The following TBPL2 variants were observed in gnomAD, a reference collection of about 807,000 sequenced individuals.
The protein encoded by TBPL2 is TATA-box binding protein like 2.
A neutral mutation model predicts 38.2 loss-of-function variants in TBPL2; 40 were observed. That is an observed-to-expected ratio of 1.05 (90% CI 0.81 to 1.36). The LOEUF (loss-of-function observed/expected upper bound fraction) is 1.36, where lower values mean the gene tolerates loss of function less well. Among genes scored for constraint, TBPL2 ranks in the 40% most tolerant of loss-of-function variants. TBPL2 has a pLI of 0.00. For synonymous variants in TBPL2, 169 were observed against 171.7 expected, an observed-to-expected ratio of 0.98 and a Z score of 0.12; for missense variants, 461 against 456.7, an observed-to-expected ratio of 1.01 and a Z score of -0.09.
At chr14:55,424,397 A>T (rs1885789359) in intron 5 of TBPL2, 144 bp from the exon 6 acceptor site, 1 of 563,396 alleles carries the variant, frequency 1.8e-6, no homozygotes, top group Admixed American at 3.1e-5. Flanking sequence ...AACTATCTTG[A>T]TGAAGAGTCT....
chr14:55,433,311 T>C (rs912974231), intron 4 of TBPL2, among the ~76,000 whole-genome samples: 1 of 29,834 alleles, frequency 3.4e-5, no homozygotes, highest in South Asian at 2.0e-3. Flanking sequence ...AGATTTCTCT[T>C]TTTTTTTTTT....
chr14:55,418,371 C>A (rs537823756), intron 6 of TBPL2, among the ~76,000 whole-genome samples: 1 of 152,332 alleles, frequency 6.6e-6, no homozygotes, highest in South Asian at 2.1e-4. Context: ...TCCAATACTA[C>A]GTGGATTTTC....
intron 4 of TBPL2, among the ~76,000 whole-genome samples, chr14:55,433,242 C>T (rs920442065): frequency 6.6e-6 from 1 of 151,948 alleles, no homozygotes; most frequent in Non-Finnish European, 1.5e-5. Context: ...GATCCTCCCA[C>T]CTCAGCTTCC....
chr14:55,425,286 G>A (rs1449174501), intron 5 of TBPL2, among the ~76,000 whole-genome samples: 4 of 152,134 alleles, frequency 2.6e-5, no homozygotes, highest in Admixed American at 1.3e-4. Context: ...TCCCAACACT[G>A]GGGAGACCAT....
chr14:55,417,914 C>G (rs367589089), intron 6 of TBPL2, among the ~76,000 whole-genome samples: 1 of 152,208 alleles, frequency 6.6e-6, no homozygotes, highest in Non-Finnish European at 1.5e-5. Context: ...CTACCTCTAA[C>G]TAGCTTTAAA....
chr14:55,439,524 T>A (rs1162892823), intron 1 of TBPL2, among the ~76,000 whole-genome samples: 1 of 147,050 alleles, frequency 6.8e-6, no homozygotes, highest in Non-Finnish European at 1.5e-5. Flanking sequence ...GAGTGGTGGC[T>A]CACGCCTGAA....
intron 6 of TBPL2, among the ~76,000 whole-genome samples, chr14:55,418,717 G>GAAAT: frequency 6.6e-6 from 1 of 152,134 alleles, no homozygotes; most frequent in East Asian, 1.9e-4. Flanking sequence ...ATGCTAGAGG[G>GAAAT]AAATAAATAA....
rs1403293332 is a variant in TBPL2 at position 55,435,835 on chromosome 14, G to C, written c.696+12C>G. On this transcript the variant is annotated intron_variant, in intron 3 of 6. Coordinates refer to ENST00000247219, the Ensembl canonical transcript of TBPL2. ...GAAGCTAATTATTGGAAGGAATACT[G>C]AGAAATGTTACCTTTGGGTTATATT... 2.6e-6 allele frequency: 4 copies of C among 1,531,510 alleles called. No homozygotes were observed. The highest frequency in any genetic ancestry group is 2.3e-5 in the Admixed American group (1 of 43,790). 94.9% of individuals were successfully genotyped at this position (1,531,510 alleles called of 1,614,324 possible).
rs1379051097 is a variant in TBPL2 at position 55,435,919 on chromosome 14, A to T, written c.624T>A (p.Thr208=). 2.5e-6 allele frequency: 4 copies of T among 1,578,540 alleles called. No individual in the cohort carries two copies. In the East Asian group the frequency reaches 9.3e-5, roughly 37 times the overall value. The change falls in exon 3 of 7, where the codon ACT becomes ACA. Residue 208 remains threonine (T), a synonymous_variant. Transcript: ENST00000247219. ...GATCCAACTTACAGGCCAGGTTTACAGTGGAAACTATATTCCTGAAGAAAT... is the reference window on the plus strand; with the variant it reads ...GATCCAACTTACAGGCCAGGTTTACTGTGGAAACTATATTCCTGAAGAAAT...
At chr14:55,426,195 G>A (rs1328511879) in intron 5 of TBPL2, among the ~76,000 whole-genome samples, 1 of 151,792 alleles carries the variant, frequency 6.6e-6, no homozygotes, top group African/African-American at 2.4e-5. Context: ...TGAACCCTGG[G>A]GGGTGGAGGT....
At chr14:55,426,773 G>A (rs1885831554) in intron 5 of TBPL2, among the ~76,000 whole-genome samples, 1 of 152,140 alleles carries the variant, frequency 6.6e-6, no homozygotes, top group Non-Finnish European at 1.5e-5. Flanking sequence ...GTCCCAGGAG[G>A]AAGATAGAAC....
In TBPL2 at chr14:55,422,001, A is replaced by G. The variant is rs377650245; in HGVS notation, c.1051+2158T>C. On this transcript the variant is annotated intron_variant, in intron 6 of 6. Coordinates refer to ENST00000247219, the Ensembl canonical transcript of TBPL2. ...TTAAGAGAGGCTAAGAAATATAAAA[A>G]TTAAAGTAATGAGGGGAAATTGGCC... 9.2e-5 allele frequency among the ~76,000 whole-genome samples: 14 copies of G among 152,346 alleles called. 1 individual carries two copies. In the East Asian group the frequency reaches 2.7e-3, roughly 29 times the overall value.
intron 6 of TBPL2, among the ~76,000 whole-genome samples, chr14:55,417,453 TAAAAAAAAAAA>T (rs539769285): frequency 2.2e-5 from 2 of 91,344 alleles, no homozygotes; most frequent in South Asian, 3.8e-4. Context: ...ACCCTTGCCT[TAAAAAAAAAAA>T]AAAAAAAAAA....
chr14:55,414,319 T>G, exon 7 of TBPL2: 1 of 1,269,604 alleles, frequency 7.9e-7, no homozygotes, highest in Non-Finnish European at 1.1e-6. Flanking sequence ...TCCAGCTGTT[T>G]CTGTGCTGGG....
intron 4 of TBPL2, 107 bp from the exon 5 acceptor site, chr14:55,429,081 A>G (rs566149356): frequency 1.2e-5 from 17 of 1,377,466 alleles, no homozygotes; most frequent in East Asian, 9.3e-5. Context: ...CTTTCAATGT[A>G]TACTATGAAG....
rs201277606 is a variant in TBPL2 at position 55,418,126 on chromosome 14, C to A, written c.1052-3671G>T. On this transcript the variant is annotated intron_variant, in intron 6 of 6. Coordinates refer to ENST00000247219, the Ensembl canonical transcript of TBPL2. ...GACATTGGCATGGCTAGTCCAAGTA[C>A]ACATGGCTTATCATTTCATTCTGAT... Among the ~76,000 whole-genome samples the A allele has an allele frequency of 1.0e-3, 157 of 152,268 alleles. 1 individual carries two copies. Among genetic ancestry groups the A allele is most frequent in the Non-Finnish European group, 4.9e-4 (33 of 68,030 alleles).
intron 6 of TBPL2, among the ~76,000 whole-genome samples, chr14:55,420,691 A>G (rs1885728620): frequency 6.6e-6 from 1 of 152,050 alleles, no homozygotes; most frequent in African/African-American, 2.4e-5. Context: ...TGTACTGTAT[A>G]GTCTTCAGTA....
At chr14:55,440,310 G>C (rs1886089861) in intron 1 of TBPL2, 86 bp downstream of exon 1, 1 of 1,527,212 alleles carries the variant, frequency 6.5e-7, no homozygotes, top group Non-Finnish European at 8.9e-7. Context: ...GTCGCTATGA[G>C]TTTTAAGAGG....
At chr14:55,438,977 G>T (rs1345858452) in intron 1 of TBPL2, 1 of 134,238 alleles carries the variant, frequency 7.4e-6, no homozygotes, top group Non-Finnish European at 1.5e-5. Flanking sequence ...TCACTCTGTC[G>T]CCCAGGCTGG....
Sources: gnomAD v4.1 joint callset for allele counts (sites outside exome capture counted in the v4.1 genomes callset) on GRCh38, gnomAD v4.1.1 for gene constraint, MANE v1.5 for transcripts, NCBI Gene and HGNC (gene_info 2026-07-23, HGNC 2026-07-21) for gene names.